DNER: variants seen among roughly 807,000 people sequenced by gnomAD.
DNER encodes delta/notch like EGF repeat containing.
DNER carries 33 observed loss-of-function variants against 78.2 expected under a neutral mutation model. The observed-to-expected ratio is 0.42, with a 90% CI of 0.32 to 0.56. The LOEUF (loss-of-function observed/expected upper bound fraction) is 0.56, where lower values mean the gene tolerates loss of function less well. DNER is among the 20% of genes least tolerant of loss of function. The pLI is 0.11. For synonymous variants in DNER, 417 were observed against 384.8 expected (o/e 1.08, Z -0.98); for missense variants, 918 against 975.3 (o/e 0.94, Z 0.78).
In DNER at chr2:229,714,207, C is replaced by A; in HGVS notation, c.217G>T (p.Ala73Ser). 7.2e-7 allele frequency: 1 copy of A among 1,382,362 alleles called. No individual in the cohort carries two copies. The highest frequency in any genetic ancestry group is 9.3e-7 in the Non-Finnish European group (1 of 1,071,468). The allele number at this position is 1,382,362 out of a possible 1,614,324, so 85.6% of individuals were successfully genotyped here. A position where few individuals can be genotyped will look rare whatever the true frequency, so the allele number is the denominator to read the frequency against. The change falls in exon 1 of 13, where the codon GCC (alanine) becomes TCC (serine). Residue 73 changes from alanine to serine, a missense_variant. Physicochemically the swap from Ala to Ser is moderately conservative, Grantham distance 99 (BLOSUM62 1). Transcript: ENST00000341772. Reference protein sequence around the residue: ...PEPDPQHPAPAGEPGYSCTCP... With the variant: ...PEPDPQHPAPSGEPGYSCTCP... ...GTGCAGCTGTAGCCAGGCTCGCCGGCGGGGGCCGGGTGCTGCGGGTCCGGC... is the reference window on the plus strand; with the variant it reads ...GTGCAGCTGTAGCCAGGCTCGCCGGAGGGGGCCGGGTGCTGCGGGTCCGGC...
At chr2:229,682,815 T>A (rs1437204775) in intron 1 of DNER, among the ~76,000 whole-genome samples, 1 of 151,968 alleles carries the variant, frequency 6.6e-6, no homozygotes, top group African/African-American at 2.4e-5. Flanking sequence ...GCCATTGCAC[T>A]CCAGCCTGGG....
At position 229,516,896 on chromosome 2, in the gene DNER, A is replaced by G. The variant is rs1476371601; in HGVS notation, c.994-3960T>C. On this transcript the variant is annotated intron_variant, in intron 5 of 12. Transcript: ENST00000341772. ...GCCGAGGTGGGCGGATCACAAGGTC[A>G]AGAGATCGAGACCATCCTGGCCAAC... 2.6e-5 allele frequency among the ~76,000 whole-genome samples: 4 copies of G among 151,776 alleles called. No homozygotes were observed. In the East Asian group the frequency reaches 7.7e-4, roughly 29 times the overall value.
At chr2:229,682,915 A>G (rs114502371) in intron 1 of DNER, among the ~76,000 whole-genome samples, 2 of 152,192 alleles carry the variant, frequency 1.3e-5, no homozygotes, top group African/African-American at 4.8e-5. Context: ...AGAAGTCAAG[A>G]CTGGTTATCA....
intron 1 of DNER, among the ~76,000 whole-genome samples, chr2:229,704,154 C>T (rs563506100): frequency 6.6e-6 from 1 of 152,248 alleles, no homozygotes; most frequent in East Asian, 1.9e-4. Flanking sequence ...AAATGTGATA[C>T]CACTGCACGC....
At chr2:229,627,161 T>C (rs1422511970) in intron 1 of DNER, among the ~76,000 whole-genome samples, 1 of 152,176 alleles carries the variant, frequency 6.6e-6, no homozygotes, top group South Asian at 2.1e-4. Context: ...AGAAACAATA[T>C]CTAGTGCCAG....
At chr2:229,411,074 C>A (rs1234855977) in intron 9 of DNER, among the ~76,000 whole-genome samples, 1 of 152,086 alleles carries the variant, frequency 6.6e-6, no homozygotes, top group East Asian at 1.9e-4. Flanking sequence ...AAATAACAGC[C>A]CAAAGAAGGA....
intron 6 of DNER, among the ~76,000 whole-genome samples, chr2:229,499,167 C>T (rs1695561350): frequency 6.6e-6 from 1 of 152,072 alleles, no homozygotes; most frequent in Admixed American, 6.6e-5. Context: ...GGAACAGGGC[C>T]AGGTGCAGTG....
chr2:229,662,713 C>CAG (rs2154216605), intron 1 of DNER, among the ~76,000 whole-genome samples: 1 of 152,308 alleles, frequency 6.6e-6, no homozygotes, highest in East Asian at 1.9e-4. Context: ...CTGACCAGAA[C>CAG]AGACACACCA....
intron 1 of DNER, among the ~76,000 whole-genome samples, chr2:229,631,129 T>G (rs945337755): frequency 2.6e-5 from 4 of 152,242 alleles, no homozygotes; most frequent in African/African-American, 9.6e-5. Flanking sequence ...GTAGAATAAT[T>G]TATTTTCCTT....
At chr2:229,432,841 C>A (rs1471674413) in intron 8 of DNER, among the ~76,000 whole-genome samples, 1 of 152,240 alleles carries the variant, frequency 6.6e-6, no homozygotes, top group African/African-American at 2.4e-5. Context: ...ACGTCTCCCA[C>A]AATCTCTGAC....
chr2:229,479,645 A>G (rs1695110744), intron 6 of DNER, among the ~76,000 whole-genome samples: 1 of 150,146 alleles, frequency 6.7e-6, no homozygotes, highest in African/African-American at 2.4e-5. Flanking sequence ...CCGAGGAGGT[A>G]GAGGTTACAG....
intron 8 of DNER, among the ~76,000 whole-genome samples, chr2:229,444,512 A>T (rs1304494118): frequency 1.3e-5 from 2 of 152,222 alleles, no homozygotes; most frequent in Admixed American, 6.5e-5. Context: ...ACACGTGTTG[A>T]AAAACTCTAT....
chr2:229,571,085 A>G (rs1462376661), intron 4 of DNER, among the ~76,000 whole-genome samples: 2 of 152,104 alleles, frequency 1.3e-5, no homozygotes, highest in Non-Finnish European at 2.9e-5. Context: ...CTTCTGCAAT[A>G]ACCTAGGTAA....
intron 1 of DNER, among the ~76,000 whole-genome samples, chr2:229,631,923 T>C (rs772753765): frequency 1.3e-5 from 2 of 152,234 alleles, no homozygotes; most frequent in African/African-American, 2.4e-5. Flanking sequence ...GGAGCTCAAA[T>C]GTCAGCGAGA....
chr2:229,498,989 T>A (rs1037845343), intron 6 of DNER, among the ~76,000 whole-genome samples: 1 of 152,154 alleles, frequency 6.6e-6, no homozygotes, highest in African/African-American at 2.4e-5. Context: ...GCAGGAGGGA[T>A]CACACTACCT....
In DNER at chr2:229,563,949, C is replaced by T. The variant is rs144164918; in HGVS notation, c.848-16857G>A. ...ATCACCATTATCATCATCCTCACCC[C>T]ATCACCATCATCATCCTCATCCCAT... On this transcript the variant is annotated intron_variant, in intron 4 of 12. Transcript: ENST00000341772. Among the ~76,000 whole-genome samples, 159 of 149,886 alleles carry T rather than the reference C, an allele frequency of 1.1e-3. 3 individuals carry two copies. Among genetic ancestry groups the T allele is most frequent in the African/African-American group, 3.8e-3 (153 of 40,520 alleles).
intron 6 of DNER, among the ~76,000 whole-genome samples, chr2:229,498,320 C>CAT (rs1305744923): frequency 6.6e-6 from 1 of 152,156 alleles, no homozygotes; most frequent in African/African-American, 2.4e-5. Context: ...AAGCTAACAT[C>CAT]ATACTCAGTA....
chr2:229,377,833 C>T (rs115260203), intron 11 of DNER, among the ~76,000 whole-genome samples: 3,385 of 152,148 alleles, frequency 0.022, 111 homozygotes, highest in African/African-American at 0.077. Flanking sequence ...GTGGGTGGTA[C>T]GAAAGGCAGA....
rs1034134164 is a variant in DNER, at chr2:229,477,130, T to C, written c.1261+10A>G. 1.2e-6 allele frequency: 2 copies of C among 1,606,198 alleles called. No individual in the cohort carries two copies. The highest frequency in any genetic ancestry group is 2.7e-5 in the African/African-American group (2 of 74,720). The stretch of plus-strand genomic sequence containing the variant: ...AAAAAGTTCTTTCTGGAGTAATAAA[T>C]ACTAATTACCTTCTGGACACTGGCA... On this transcript the variant is annotated intron_variant, in intron 7 of 12. Transcript: ENST00000341772.
Sources: allele counts gnomAD v4.1 joint callset (sites outside exome capture counted in the v4.1 genomes callset), GRCh38; gene constraint gnomAD v4.1.1; transcripts MANE v1.5; gene names NCBI Gene and HGNC (gene_info 2026-07-23, HGNC 2026-07-21).